Variants in PLPP4 observed in about 807,000 individuals in gnomAD.
PLPP4 encodes the protein diacylglycerol pyrophosphate like 2.
A neutral mutation model predicts 32.2 loss-of-function variants in PLPP4; 20 were observed. The ratio of observed to expected loss-of-function variants is 0.62; its 90% confidence interval spans 0.44 to 0.90. The LOEUF (loss-of-function observed/expected upper bound fraction) is 0.90, where lower values mean the gene tolerates loss of function less well. PLPP4 is among the 40% of genes least tolerant of loss of function. The pLI, the probability that PLPP4 is intolerant of heterozygous loss-of-function variation, is 0.00. For synonymous variants in PLPP4, 127 were observed against 133.0 expected (o/e 0.95, Z 0.31); for missense variants, 257 against 353.1 (o/e 0.73, Z 2.18).
chr10:120,535,012 G>C (rs1215858172), intron 5 of PLPP4, among the ~76,000 whole-genome samples: 1 of 152,038 alleles, frequency 6.6e-6, no homozygotes, highest in Non-Finnish European at 1.5e-5. Flanking sequence ...CTGTTTCTTT[G>C]CATGTCTCAT....
chr10:120,583,622 C>T (rs539203056), intron 6 of PLPP4, among the ~76,000 whole-genome samples: 14 of 152,316 alleles, frequency 9.2e-5, no homozygotes, highest in African/African-American at 3.1e-4. Flanking sequence ...CAGGCTCTGG[C>T]AACCACTGAT....
At chr10:120,521,254 A>G (rs536132488) in intron 5 of PLPP4, among the ~76,000 whole-genome samples, 159 bp downstream of exon 5, 93 of 152,280 alleles carry the variant, frequency 6.1e-4, no homozygotes, top group African/African-American at 2.2e-3. Context: ...AGATTATTCA[A>G]CAGGAAGTAA....
intron 5 of PLPP4, among the ~76,000 whole-genome samples, chr10:120,531,134 G>A (rs1846696553): frequency 7.1e-6 from 1 of 141,072 alleles, no homozygotes; most frequent in African/African-American, 2.6e-5. Flanking sequence ...TTGTCACCAG[G>A]CTGAAGTGCA....
intron 5 of PLPP4, among the ~76,000 whole-genome samples, chr10:120,565,311 G>A (rs1231556725): frequency 1.8e-5 from 2 of 112,886 alleles, no homozygotes; most frequent in Non-Finnish European, 3.6e-5. Flanking sequence ...TGATTTGTTT[G>A]TGTGGTGTGT....
intron 5 of PLPP4, among the ~76,000 whole-genome samples, chr10:120,565,919 A>G (rs1453852268): frequency 2.6e-5 from 4 of 152,090 alleles, no homozygotes; most frequent in Admixed American, 6.5e-5. Flanking sequence ...ATTTGAATCT[A>G]TCTTTCAATT....
At chr10:120,539,655 A>G (rs528563447) in intron 5 of PLPP4, among the ~76,000 whole-genome samples, 2 of 152,290 alleles carry the variant, frequency 1.3e-5, no homozygotes, top group South Asian at 4.2e-4. Flanking sequence ...ATTTTTAATA[A>G]GCAGACATTT....
chr10:120,481,120 G>A (rs1030793014), intron 1 of PLPP4, among the ~76,000 whole-genome samples: 9 of 152,216 alleles, frequency 5.9e-5, no homozygotes, highest in African/African-American at 2.2e-4. Flanking sequence ...GGACACTTTG[G>A]TTGGTGGCAT....
At chr10:120,470,801 G>A (rs1210173433) in intron 1 of PLPP4, among the ~76,000 whole-genome samples, 1 of 152,126 alleles carries the variant, frequency 6.6e-6, no homozygotes, top group Non-Finnish European at 1.5e-5. Context: ...CACCCACTGG[G>A]AAGGAGTAGA....
At chr10:120,560,751 T>C (rs560681797) in intron 5 of PLPP4, among the ~76,000 whole-genome samples, 1 of 152,190 alleles carries the variant, frequency 6.6e-6, no homozygotes, top group East Asian at 1.9e-4. Flanking sequence ...TGAGACTCTG[T>C]CTCAAAAAAA....
intron 5 of PLPP4, among the ~76,000 whole-genome samples, chr10:120,546,839 T>G (rs1220124902): frequency 6.6e-6 from 1 of 152,212 alleles, no homozygotes; most frequent in Non-Finnish European, 1.5e-5. Context: ...GCAAAGTGGT[T>G]GTTAGGATAA....
In PLPP4 at chr10:120,575,155, C is replaced by T. The variant is rs1414762201; in HGVS notation, c.470C>T (p.Thr157Met). 24 of 1,613,558 alleles carry T rather than the reference C, an allele frequency of 1.5e-5. No individual in the cohort carries two copies. The highest frequency in any genetic ancestry group is 4.5e-5 in the East Asian group (2 of 44,874). Residue 157 changes from threonine (T) to methionine (M), a missense_variant, in exon 6 of 7, where the codon ACG becomes ATG. Thr to Met is a moderately conservative substitution (Grantham distance 81). Transcript: ENST00000398250. ...GTTGCCTTTTCGGGCCTTGGCTTCA[C>T]GACGTTCTACTTGGCGGGCAAGCTG... The part of the protein sequence containing the change: ...SSFAFSGLGF[T>M]TFYLAGKLHC...
At chr10:120,530,421 C>G (rs975636057) in intron 5 of PLPP4, among the ~76,000 whole-genome samples, 1 of 152,042 alleles carries the variant, frequency 6.6e-6, no homozygotes, top group Non-Finnish European at 1.5e-5. Context: ...ATAGTATGTG[C>G]TCTTTTATGT....
chr10:120,492,963 C>T (rs766420116), intron 1 of PLPP4, among the ~76,000 whole-genome samples: 18 of 152,148 alleles, frequency 1.2e-4, no homozygotes, highest in Non-Finnish European at 2.1e-4. Flanking sequence ...ACCTGAGGTT[C>T]CTAAACCCCC....
chr10:120,459,769 C>G (rs1207436040), intron 1 of PLPP4, among the ~76,000 whole-genome samples: 1 of 152,108 alleles, frequency 6.6e-6, no homozygotes, highest in Admixed American at 6.5e-5. Flanking sequence ...ACTTATGCCC[C>G]CGGAGAAACA....
intron 5 of PLPP4, among the ~76,000 whole-genome samples, chr10:120,546,004 G>A (rs1298334444): frequency 6.6e-6 from 1 of 152,074 alleles, no homozygotes. Context: ...CTTGAACATT[G>A]GACTCCAAAT....
At chr10:120,535,876 T>C (rs574162967) in intron 5 of PLPP4, among the ~76,000 whole-genome samples, 1 of 152,192 alleles carries the variant, frequency 6.6e-6, no homozygotes, top group East Asian at 1.9e-4. Context: ...TTTTGTGTGG[T>C]TTTCTTTTAT....
intron 5 of PLPP4, among the ~76,000 whole-genome samples, chr10:120,552,944 G>A (rs1847978067): frequency 6.6e-6 from 1 of 152,198 alleles, no homozygotes; most frequent in African/African-American, 2.4e-5. Flanking sequence ...CACACCATAG[G>A]TAGCACTTCT....
intron 1 of PLPP4, among the ~76,000 whole-genome samples, chr10:120,481,835 G>A (rs529475496): frequency 6.6e-6 from 1 of 152,322 alleles, no homozygotes; most frequent in African/African-American, 2.4e-5. Context: ...TTGTGGGAGA[G>A]ACCCAGTGGG....
At chr10:120,575,632 TCA>T (rs779339820) in intron 6 of PLPP4, among the ~76,000 whole-genome samples, 4 of 152,114 alleles carry the variant, frequency 2.6e-5, no homozygotes, top group Non-Finnish European at 5.9e-5. Flanking sequence ...GCCTCAGTCC[TCA>T]GAGTTGGTGC....
Sources: gnomAD v4.1 joint callset for allele counts (sites outside exome capture counted in the v4.1 genomes callset) on GRCh38, gnomAD v4.1.1 for gene constraint, MANE v1.5 for transcripts, NCBI Gene and HGNC (gene_info 2026-07-23, HGNC 2026-07-21) for gene names.